The following DCAF1 variants were observed in gnomAD, a reference collection of about 807,000 sequenced individuals.
DCAF1 encodes the protein DDB1 and CUL4 associated factor 1, also known as DDB1- and CUL4-associated factor 1.
Under a neutral mutation model 128.0 loss-of-function variants are expected in DCAF1, and 15 were observed. The observed-to-expected ratio is 0.12, with a 90% CI of 0.08 to 0.18. DCAF1 has a LOEUF of 0.18. Ranked by LOEUF, DCAF1 falls within the 10% of genes least tolerant of loss-of-function variation. The pLI, the probability that DCAF1 is intolerant of heterozygous loss-of-function variation, is 1.00. For synonymous variants in DCAF1, 610 were observed against 603.0 expected (o/e 1.01, Z -0.17); for missense variants, 988 against 1,649.5 (o/e 0.60, Z 6.95).
intron 4 of DCAF1, among the ~76,000 whole-genome samples, chr3:51,467,649 A>G (rs1553646963): frequency 6.6e-6 from 1 of 152,052 alleles, no homozygotes. Flanking sequence ...AAAGTATAAT[A>G]AAAATATATA....
chr3:51,418,219 G>C (rs782116787), intron 16 of DCAF1, 21 bp from the exon 17 acceptor site: 19 of 1,598,964 alleles, frequency 1.2e-5, no homozygotes. Context: ...AAGGCGCAAG[G>C]TGGGTAACCA....
chr3:51,500,705 T>C (rs2356298), upstream of DCAF1, among the ~76,000 whole-genome samples: 5,428 of 152,090 alleles, frequency 0.036, 696 homozygotes, highest in East Asian at 0.33. Context: ...AGCCAATTTT[T>C]GTTTCTGTTT....
At chr3:51,462,050 C>T (rs1296912473) in intron 6 of DCAF1, among the ~76,000 whole-genome samples, 4 of 150,884 alleles carry the variant, frequency 2.7e-5, no homozygotes, top group Non-Finnish European at 4.4e-5. Flanking sequence ...TACCCTAAAA[C>T]TTAAAGTATA....
rs114970179 is a variant in DCAF1 at position 51,403,324 on chromosome 3, G to A, written c.4284C>T (p.Asp1428=). Residue 1428 remains aspartate, a synonymous_variant, in exon 24 of 25, where the codon GAC becomes GAT. Coordinates refer to ENST00000684031, the MANE Select transcript of DCAF1 (RefSeq NM_001387579.1). The part of the protein sequence containing the change: ...DDDTDDLDEL[D]TDQLLEAELE... ...ACTCCGCCTCCAGCAACTGGTCAGT[G>A]TCAAGCTCATCTAAATCATCGGTGT... 8.3e-4 allele frequency: 1,300 copies of A among 1,567,762 alleles called. 12 individuals carry two copies. The African/African-American group carries it at 0.015, about 19-fold the overall frequency.
upstream of DCAF1, among the ~76,000 whole-genome samples, chr3:51,501,429 T>C (rs1708802583): frequency 6.6e-6 from 1 of 152,092 alleles, no homozygotes; most frequent in African/African-American, 2.4e-5. Flanking sequence ...CCTGACAAGA[T>C]CCTACCCAGC....
chr3:51,488,722 G>C (rs1707268064), intron 2 of DCAF1, among the ~76,000 whole-genome samples: 1 of 152,086 alleles, frequency 6.6e-6, no homozygotes, highest in Non-Finnish European at 1.5e-5. Flanking sequence ...AGAATCGCTT[G>C]AACACAGGAG....
intron 3 of DCAF1, among the ~76,000 whole-genome samples, chr3:51,477,360 T>C (rs1553651005): frequency 6.9e-6 from 1 of 145,926 alleles, no homozygotes; most frequent in Non-Finnish European, 1.5e-5. Context: ...TTAGAAAATA[T>C]CCAGTAAAGA....
At chr3:51,465,256 G>A (rs932270016) in intron 5 of DCAF1, among the ~76,000 whole-genome samples, 4 of 152,168 alleles carry the variant, frequency 2.6e-5, no homozygotes, top group Non-Finnish European at 5.9e-5. Context: ...ACACTTTATA[G>A]CTGACTAGAC....
At chr3:51,494,669 A>G (rs1708046663) in intron 2 of DCAF1, among the ~76,000 whole-genome samples, 1 of 152,158 alleles carries the variant, frequency 6.6e-6, no homozygotes, top group Non-Finnish European at 1.5e-5. Flanking sequence ...TACCTCTAAT[A>G]AAGATTAATT....
chr3:51,444,516 A>G (rs1390689179), intron 6 of DCAF1, among the ~76,000 whole-genome samples: 2 of 151,958 alleles, frequency 1.3e-5, no homozygotes, highest in African/African-American at 4.8e-5. Flanking sequence ...ACAGCCAGCT[A>G]ATTTTTGTAT....
At chr3:51,448,625 A>G (rs1702086448) in intron 6 of DCAF1, among the ~76,000 whole-genome samples, 1 of 152,226 alleles carries the variant, frequency 6.6e-6, no homozygotes, top group African/African-American at 2.4e-5. Flanking sequence ...CAATAGTTTA[A>G]CCATTTTAAA....
At chr3:51,407,581 T>C (rs1697981825) in intron 23 of DCAF1, among the ~76,000 whole-genome samples, 1 of 152,230 alleles carries the variant, frequency 6.6e-6, no homozygotes, top group Non-Finnish European at 1.5e-5. Flanking sequence ...TTAAGTATAA[T>C]TAGCTAAAAT....
chr3:51,415,583 A>G (rs1698805031), intron 18 of DCAF1, among the ~76,000 whole-genome samples: 1 of 151,958 alleles, frequency 6.6e-6, no homozygotes, highest in South Asian at 2.1e-4. Flanking sequence ...TGAACTCCCA[A>G]TTTTTTGTTG....
intron 3 of DCAF1, among the ~76,000 whole-genome samples, chr3:51,482,998 G>A (rs782225475): frequency 1.3e-4 from 20 of 150,340 alleles, no homozygotes; most frequent in Non-Finnish European, 2.4e-4. Context: ...AATTAGCTGG[G>A]CGTGGTGACA....
At chr3:51,407,300 C>T (rs1441785306) in intron 23 of DCAF1, among the ~76,000 whole-genome samples, 4 of 151,636 alleles carry the variant, frequency 2.6e-5, no homozygotes, top group African/African-American at 9.7e-5. Context: ...GCTATAGGTT[C>T]ACTTTAGGGT....
upstream of DCAF1, among the ~76,000 whole-genome samples, chr3:51,500,494 A>T (rs1163336668): frequency 1.3e-5 from 2 of 152,180 alleles, no homozygotes; most frequent in African/African-American, 2.4e-5. Context: ...AACATATCAG[A>T]AATCACAGCA....
intron 9 of DCAF1, chr3:51,440,032 G>GT: frequency 3.0e-6 from 1 of 336,224 alleles, no homozygotes; most frequent in South Asian, 2.4e-5. Context: ...GCTGATACAG[G>GT]TAATATCTAA....
chr3:51,428,798 C>T (rs1700126083), intron 12 of DCAF1, among the ~76,000 whole-genome samples: 1 of 151,806 alleles, frequency 6.6e-6, no homozygotes, highest in Non-Finnish European at 1.5e-5. Context: ...GTTCCAAGAC[C>T]AGCCAGGACA....
intron 6 of DCAF1, among the ~76,000 whole-genome samples, chr3:51,455,667 G>A (rs943759887): frequency 1.3e-5 from 2 of 152,070 alleles, no homozygotes; most frequent in African/African-American, 2.4e-5. Context: ...GGGAGGCTGA[G>A]GCAGGCAGAT....
Sources: gnomAD v4.1 joint callset for allele counts (sites outside exome capture counted in the v4.1 genomes callset) on GRCh38, gnomAD v4.1.1 for gene constraint, MANE v1.5 for transcripts, NCBI Gene and HGNC (gene_info 2026-07-23, HGNC 2026-07-21) for gene names.